Variants in UBE2D1 observed in about 807,000 individuals in gnomAD.
UBE2D1 encodes ubiquitin-conjugating enzyme E2 D1.
A neutral mutation model predicts 24.6 loss-of-function variants in UBE2D1; 9 were observed. That is an observed-to-expected ratio of 0.37 (90% CI 0.22 to 0.64). The LOEUF (loss-of-function observed/expected upper bound fraction) is 0.64, where lower values mean the gene tolerates loss of function less well. Ranked by LOEUF, UBE2D1 falls within the 30% of genes least tolerant of loss-of-function variation. The probability of loss-of-function intolerance (pLI) is 0.64; values close to 1 mark genes in which losing one functional copy is unlikely to be tolerated. For missense variants in UBE2D1, 87 were observed against 177.1 expected, an observed-to-expected ratio of 0.49 and a Z score of 2.89; for synonymous variants, 57 against 57.6, an observed-to-expected ratio of 0.99 and a Z score of 0.04.
At chr10:58,345,304 AT>A (rs200195722) in intron 1 of UBE2D1, among the ~76,000 whole-genome samples, 27 of 151,854 alleles carry the variant, frequency 1.8e-4, no homozygotes, top group African/African-American at 6.3e-4. Flanking sequence ...GATCCCATTT[AT>A]TTTAAAAAAA....
chr10:58,338,485 C>A lies in UBE2D1; in HGVS notation c.24+3260C>A, dbSNP rs537478499. Among the ~76,000 whole-genome samples the A allele has an allele frequency of 9.2e-4, 140 of 152,152 alleles. No homozygotes were observed. In the Middle Eastern group the frequency reaches 0.014, roughly 15 times the overall value. ...TTTGAACAAAGTCTAAGGAAAGATA[C>A]CTAAAACATGTCTGAAAAGAGGAGG... On this transcript the variant is annotated intron_variant, in intron 1 of 6. Coordinates refer to ENST00000373910, the MANE Select transcript of UBE2D1 (RefSeq NM_003338.5).
chr10:58,354,376 A>G (rs1840108613), intron 1 of UBE2D1, among the ~76,000 whole-genome samples: 1 of 152,154 alleles, frequency 6.6e-6, no homozygotes, highest in Non-Finnish European at 1.5e-5. Context: ...GAAACATCCA[A>G]GTAGTCAGGT....
Position 58,352,517 on chromosome 10 carries a change from G to A in UBE2D1, c.25-8821G>A, listed in dbSNP as rs556223464. On this transcript the variant is annotated intron_variant, in intron 1 of 6. Coordinates refer to ENST00000373910, the MANE Select transcript of UBE2D1 (RefSeq NM_003338.5). The stretch of plus-strand genomic sequence containing the variant: ...AATCCCAACCACTTGGGGAGGGTAG[G>A]GCGGGAGGATTGCTTGAGCGCAGGA... Among the ~76,000 whole-genome samples the A allele has an allele frequency of 4.6e-5, 7 of 152,160 alleles. No homozygotes were observed. In the South Asian group the frequency reaches 1.5e-3, roughly 32 times the overall value.
chr10:58,367,549 G>A (rs1311366157), intron 5 of UBE2D1, among the ~76,000 whole-genome samples: 1 of 152,110 alleles, frequency 6.6e-6, no homozygotes, highest in Admixed American at 6.6e-5. Context: ...GCAAAAGAGT[G>A]TATGAGCACA....
chr10:58,365,292 C>T (rs753357688), intron 5 of UBE2D1, among the ~76,000 whole-genome samples: 10 of 151,952 alleles, frequency 6.6e-5, no homozygotes, highest in Non-Finnish European at 1.2e-4. Flanking sequence ...ACATAGGAGA[C>T]CCCATCTCTG....
intron 1 of UBE2D1, among the ~76,000 whole-genome samples, chr10:58,360,113 A>T (rs968392005): frequency 6.6e-6 from 1 of 152,068 alleles, no homozygotes; most frequent in Admixed American, 6.6e-5. Context: ...TGTGGTCTGT[A>T]TGGTTGTCTG....
intron 1 of UBE2D1, 60 bp downstream of exon 1, chr10:58,335,285 G>C (rs562813062): frequency 1.4e-6 from 2 of 1,468,908 alleles, no homozygotes; most frequent in African/African-American, 1.5e-5. Flanking sequence ...ACGCTGACTC[G>C]GCCAGTGGTC....
chr10:58,367,354 T>C (rs777738454), intron 5 of UBE2D1, among the ~76,000 whole-genome samples: 17 of 152,136 alleles, frequency 1.1e-4, no homozygotes, highest in Non-Finnish European at 2.5e-4. Flanking sequence ...AATTTTGACA[T>C]ACTGGAGTAA....
chr10:58,358,547 G>A (rs1486246486), intron 1 of UBE2D1, among the ~76,000 whole-genome samples: 2 of 152,138 alleles, frequency 1.3e-5, no homozygotes, highest in African/African-American at 2.4e-5. Context: ...AGACTGTGCT[G>A]TACACTTGAC....
At chr10:58,355,341 T>C (rs1401107028) in intron 1 of UBE2D1, among the ~76,000 whole-genome samples, 1 of 152,144 alleles carries the variant, frequency 6.6e-6, no homozygotes, top group Non-Finnish European at 1.5e-5. Flanking sequence ...GCCACTGAAA[T>C]AAAGTAGAAG....
intron 5 of UBE2D1, among the ~76,000 whole-genome samples, chr10:58,367,562 A>G (rs534118475): frequency 2.6e-5 from 4 of 152,298 alleles, no homozygotes; most frequent in African/African-American, 4.8e-5. Flanking sequence ...TGAGCACAGT[A>G]TCCAAAATGG....
At chr10:58,365,763 A>T (rs1840249030) in intron 5 of UBE2D1, among the ~76,000 whole-genome samples, 1 of 152,208 alleles carries the variant, frequency 6.6e-6, no homozygotes, top group African/African-American at 2.4e-5. Flanking sequence ...TGAAGCAACC[A>T]TCAAGTTTTC....
chr10:58,368,005 A>G lies in UBE2D1; in HGVS notation c.387A>G (p.Ser129=). 6.2e-7 allele frequency: 1 copy of G among 1,608,310 alleles called. No individual in the cohort carries two copies. The highest frequency in any genetic ancestry group is 1.3e-5 in the African/African-American group (1 of 74,894). The stretch of plus-strand genomic sequence containing the variant: ...CAGATATTGCACAAATCTATAAATC[A>G]GACAAAGAAAAGTAAGTGTTTACTT... ...LVPDIAQIYK[S]DKEKYNRHAR... Residue 129 remains serine, a synonymous_variant, in exon 6 of 7, where the codon TCA becomes TCG. Coordinates refer to ENST00000373910, the MANE Select transcript of UBE2D1 (RefSeq NM_003338.5).
chr10:58,363,357 G>A (rs961212719), intron 3 of UBE2D1, among the ~76,000 whole-genome samples: 2 of 151,984 alleles, frequency 1.3e-5, no homozygotes, highest in Non-Finnish European at 2.9e-5. Context: ...TTTTTGTTTT[G>A]TTTTAAATTT....
intron 5 of UBE2D1, among the ~76,000 whole-genome samples, chr10:58,365,923 G>C (rs560830122): frequency 2.0e-5 from 3 of 152,282 alleles, no homozygotes; most frequent in Middle Eastern, 6.8e-3. Context: ...CACAGCCGTA[G>C]CTCTTTCAAA....
At chr10:58,353,362 A>G (rs1208752760) in intron 1 of UBE2D1, among the ~76,000 whole-genome samples, 3 of 152,188 alleles carry the variant, frequency 2.0e-5, no homozygotes. Flanking sequence ...TGTCCACGCC[A>G]CAGACTGCAG....
chr10:58,338,311 A>G (rs1839924812), intron 1 of UBE2D1, among the ~76,000 whole-genome samples: 1 of 152,224 alleles, frequency 6.6e-6, no homozygotes, highest in South Asian at 2.1e-4. Flanking sequence ...GAATAAACTA[A>G]CTATACTAGA....
At chr10:58,336,471 T>C (rs1839904465) in intron 1 of UBE2D1, among the ~76,000 whole-genome samples, 2 of 152,240 alleles carry the variant, frequency 1.3e-5, no homozygotes, top group African/African-American at 4.8e-5. Context: ...CAGCAACTTT[T>C]AGAGCCTGCC....
chr10:58,346,073 C>G (rs1022299945), intron 1 of UBE2D1, among the ~76,000 whole-genome samples: 1 of 148,480 alleles, frequency 6.7e-6, no homozygotes, highest in Non-Finnish European at 1.5e-5. Flanking sequence ...TGCAGTGGTA[C>G]AATCTTTGCT....
Sources: gnomAD v4.1 joint callset for allele counts (sites outside exome capture counted in the v4.1 genomes callset) on GRCh38, gnomAD v4.1.1 for gene constraint, MANE v1.5 for transcripts, NCBI Gene and HGNC (gene_info 2026-07-23, HGNC 2026-07-21) for gene names.